PDE4D: variants seen among roughly 807,000 people sequenced by gnomAD.
PDE4D encodes 3',5'-cyclic-AMP phosphodiesterase 4D.
Under a neutral mutation model 87.4 loss-of-function variants are expected in PDE4D, and 24 were observed. That is an observed-to-expected ratio of 0.27 (90% CI 0.20 to 0.39). PDE4D has a LOEUF of 0.39. Among genes scored for constraint, PDE4D ranks in the 10% least tolerant of loss-of-function variants. PDE4D has a pLI of 1.00. For missense variants in PDE4D, 714 were observed against 1,041.0 expected, an observed-to-expected ratio of 0.69 and a Z score of 4.32; for synonymous variants, 384 against 383.2, an observed-to-expected ratio of 1.00 and a Z score of -0.02.
chr5:59,642,120 ATTTCT>A (rs1465267399), intron 1 of PDE4D, among the ~76,000 whole-genome samples: 2 of 152,022 alleles, frequency 1.3e-5, no homozygotes, highest in Non-Finnish European at 2.9e-5. Flanking sequence ...ATATAGAATG[ATTTCT>A]TTTCTTTTGT....
intron 1 of PDE4D, among the ~76,000 whole-genome samples, chr5:59,641,257 A>T (rs1177666298): frequency 6.6e-6 from 1 of 152,230 alleles, no homozygotes; most frequent in Non-Finnish European, 1.5e-5. Context: ...AAAAAGTTTC[A>T]TTGAGATGTA....
At chr5:60,284,664 TAGTG>T (rs1169249607) in intron 1 of PDE4D, among the ~76,000 whole-genome samples, 4 of 152,162 alleles carry the variant, frequency 2.6e-5, no homozygotes, top group Non-Finnish European at 5.9e-5. Context: ...GATACTCAAA[TAGTG>T]AGAATCTGTA....
At chr5:59,647,067 T>C (rs1252512010) in intron 1 of PDE4D, among the ~76,000 whole-genome samples, 2 of 152,092 alleles carry the variant, frequency 1.3e-5, no homozygotes, top group Non-Finnish European at 2.9e-5. Flanking sequence ...GTAGACAACA[T>C]ATTTAACAAG....
At chr5:60,406,075 T>G (rs1038608266) in intron 1 of PDE4D, among the ~76,000 whole-genome samples, 5 of 152,052 alleles carry the variant, frequency 3.3e-5, no homozygotes, top group Non-Finnish European at 7.4e-5. Context: ...AACATTTCCA[T>G]TCTCATCATT....
At chr5:60,477,838 G>A (rs1189535864) in intron 1 of PDE4D, among the ~76,000 whole-genome samples, 1 of 152,178 alleles carries the variant, frequency 6.6e-6, no homozygotes, top group Non-Finnish European at 1.5e-5. Context: ...ATGGGAAGGA[G>A]CATTGACTTT....
intron 3 of PDE4D, among the ~76,000 whole-genome samples, chr5:59,186,582 T>G (rs187619842): frequency 1.3e-5 from 2 of 152,294 alleles, no homozygotes; most frequent in East Asian, 1.9e-4. Context: ...TCAGTCTAAT[T>G]TTTTTTCTAA....
intron 1 of PDE4D, among the ~76,000 whole-genome samples, chr5:60,377,824 A>G (rs1419218076): frequency 6.6e-6 from 1 of 152,246 alleles, no homozygotes; most frequent in Admixed American, 6.5e-5. Context: ...AGCAAAGGCA[A>G]AGTAAAATAT....
intron 1 of PDE4D, among the ~76,000 whole-genome samples, chr5:59,829,348 A>T (rs956609909): frequency 3.9e-5 from 6 of 152,050 alleles, no homozygotes; most frequent in Admixed American, 1.3e-4. Flanking sequence ...TAGGGAAGAA[A>T]TCCATTTGTA....
intron 1 of PDE4D, among the ~76,000 whole-genome samples, chr5:59,752,275 T>A (rs1279018277): frequency 6.6e-6 from 1 of 152,220 alleles, no homozygotes; most frequent in Non-Finnish European, 1.5e-5. Context: ...TGTTTACCTT[T>A]TATTTGAAAG....
intron 1 of PDE4D, among the ~76,000 whole-genome samples, chr5:59,652,713 G>C (rs1409331284): frequency 2.0e-5 from 3 of 151,726 alleles, no homozygotes; most frequent in Non-Finnish European, 4.4e-5. Flanking sequence ...ATAAAACCTT[G>C]TCTCCTCAAC....
chr5:59,977,095 G>C (rs1456493801), intron 3 of PDE4D, among the ~76,000 whole-genome samples: 1 of 152,210 alleles, frequency 6.6e-6, no homozygotes, highest in African/African-American at 2.4e-5. Flanking sequence ...GTGAAAGGAA[G>C]AGTTACAGGT....
intron 1 of PDE4D, among the ~76,000 whole-genome samples, chr5:59,621,359 T>C (rs1015005549): frequency 6.6e-6 from 1 of 152,218 alleles, no homozygotes; most frequent in African/African-American, 2.4e-5. Flanking sequence ...CACCTTCATC[T>C]GAGATGCATT....
At chr5:59,881,710 A>C (rs1262924873) in intron 1 of PDE4D, among the ~76,000 whole-genome samples, 1 of 152,232 alleles carries the variant, frequency 6.6e-6, no homozygotes, top group African/African-American at 2.4e-5. Flanking sequence ...ATGTGAGAAA[A>C]ATTGACAGAG....
intron 2 of PDE4D, among the ~76,000 whole-genome samples, chr5:59,997,083 C>G (rs1359566275): frequency 6.6e-6 from 1 of 152,114 alleles, no homozygotes; most frequent in African/African-American, 2.4e-5. Flanking sequence ...ATCTGCAACT[C>G]TAGGATTCAA....
chr5:60,430,987 C>T (rs1744213227), intron 1 of PDE4D: 2 of 275,632 alleles, frequency 7.3e-6, no homozygotes, highest in Non-Finnish European at 1.4e-5. Context: ...AATCTTTTCC[C>T]CACCTTTCCC....
chr5:60,343,920 G>A (rs975871190), intron 1 of PDE4D, among the ~76,000 whole-genome samples: 4 of 151,084 alleles, frequency 2.6e-5, no homozygotes, highest in Non-Finnish European at 5.9e-5. Flanking sequence ...TCCCTCAGCT[G>A]CATAGCCAAT....
rs184321763 is a variant in PDE4D at position 59,558,192 on chromosome 5, G to A, written c.455+334976C>T. On this transcript the variant is annotated intron_variant, in intron 1 of 14. Transcript: ENST00000340635. The stretch of plus-strand genomic sequence containing the variant: ...AACAAGACAATAAATATGAACTTTT[G>A]TTGGAGTTCACATTCCAGTCGAAGG... 7.1e-4 allele frequency among the ~76,000 whole-genome samples: 108 copies of A among 152,228 alleles called. 1 individual carries two copies. Among genetic ancestry groups the A allele is most frequent in the African/African-American group, 2.5e-3 (104 of 41,550 alleles).
At position 59,439,562 on chromosome 5, in the gene PDE4D, T is replaced by C. The variant is rs545050484; in HGVS notation, c.456-223594A>G. Among the ~76,000 whole-genome samples the C allele has an allele frequency of 3.3e-4, 50 of 152,260 alleles. No homozygotes were observed. In the South Asian group the frequency reaches 9.3e-3, roughly 28 times the overall value. On this transcript the variant is annotated intron_variant, in intron 1 of 14. Coordinates refer to ENST00000340635, the MANE Select transcript of PDE4D (RefSeq NM_001104631.2). ...ACTATTCTAGGCTCTGGGTACCCAG[T>C]AGCAAATAGAACACATGCAAATATT...
At chr5:59,103,043 G>T (rs952255603) in intron 5 of PDE4D, among the ~76,000 whole-genome samples, 2 of 152,094 alleles carry the variant, frequency 1.3e-5, no homozygotes, top group African/African-American at 4.8e-5. Flanking sequence ...GTTTCTCAAG[G>T]GGCTGAACTA....
Sources: allele counts gnomAD v4.1 joint callset (sites outside exome capture counted in the v4.1 genomes callset), GRCh38; gene constraint gnomAD v4.1.1; transcripts MANE v1.5; gene names NCBI Gene and HGNC (gene_info 2026-07-23, HGNC 2026-07-21).